Variants in CD36 observed in about 807,000 individuals in gnomAD.
CD36 encodes CD36 molecule (CD36 blood group).
Under a neutral mutation model 55.2 loss-of-function variants are expected in CD36, and 119 were observed. The observed-to-expected ratio is 2.15, with a 90% CI of 1.86 to 2.51. CD36 has a LOEUF of 2.51. Ranked by LOEUF, CD36 falls within the 30% of genes most tolerant of loss-of-function variation. The pLI is 0.00. For missense variants in CD36, 819 were observed against 555.5 expected (o/e 1.47, Z -4.77); for synonymous variants, 186 against 193.6 (o/e 0.96, Z 0.33).
intron 8 of CD36, among the ~76,000 whole-genome samples, chr7:80,668,625 C>A (rs1308353578): frequency 1.2e-4 from 18 of 152,132 alleles, no homozygotes; most frequent in Non-Finnish European, 2.9e-5. Context: ...AGGACATAAT[C>A]TTCAATGATA....
chr7:80,610,910 C>T (rs942236357), intron 1 of CD36, among the ~76,000 whole-genome samples: 2 of 151,938 alleles, frequency 1.3e-5, no homozygotes, highest in East Asian at 1.9e-4. Context: ...TCTGCTCTCT[C>T]TGTCAGTCAG....
intron 1 of CD36, among the ~76,000 whole-genome samples, chr7:80,609,261 A>G (rs1280353256): frequency 6.6e-6 from 1 of 152,180 alleles, no homozygotes; most frequent in African/African-American, 2.4e-5. Flanking sequence ...CCGAATCCTT[A>G]CTGAAACATG....
At chr7:80,662,044 C>A (rs560872793) in intron 5 of CD36, among the ~76,000 whole-genome samples, 84 of 152,208 alleles carry the variant, frequency 5.5e-4, no homozygotes, top group African/African-American at 1.9e-3. Context: ...TCTTAAGGGG[C>A]AAATATGAAC....
chr7:80,664,271 T>A (rs907623551), intron 6 of CD36, 135 bp from the exon 7 acceptor site: 1 of 629,622 alleles, frequency 1.6e-6, no homozygotes, highest in Non-Finnish European at 2.9e-6. Flanking sequence ...GCCAATAATT[T>A]AAAAAAATGT....
At chr7:80,676,290 A>AGAT (rs1330360867) in intron 14 of CD36, 94 bp from the exon 15 acceptor site, 1 of 152,130 alleles carries the variant, frequency 6.6e-6, no homozygotes, top group African/African-American at 2.4e-5. Flanking sequence ...AGGATTATTG[A>AGAT]GATGTTATGA....
At chr7:80,653,956 A>G (rs1240986814) in intron 3 of CD36, among the ~76,000 whole-genome samples, 1 of 152,196 alleles carries the variant, frequency 6.6e-6, no homozygotes, top group African/African-American at 2.4e-5. Context: ...AATTTGTCAC[A>G]TAACATTGAG....
intron 1 of CD36, among the ~76,000 whole-genome samples, chr7:80,642,379 T>C (rs1794878655): frequency 6.6e-6 from 1 of 152,178 alleles, no homozygotes; most frequent in Non-Finnish European, 1.5e-5. Flanking sequence ...CAAATTTTTT[T>C]ATGCTTTAGA....
intron 1 of CD36, among the ~76,000 whole-genome samples, chr7:80,631,293 T>C (rs188482025): frequency 1.8e-4 from 28 of 152,136 alleles, no homozygotes; most frequent in African/African-American, 6.7e-4. Flanking sequence ...ATAGACACTT[T>C]CATAAAGGCA....
chr7:80,655,279 A>G (rs2116556010), intron 3 of CD36, among the ~76,000 whole-genome samples: 1 of 152,218 alleles, frequency 6.6e-6, no homozygotes, highest in Admixed American at 6.5e-5. Flanking sequence ...CTTTGTTTGC[A>G]CTATCTACTA....
chr7:80,646,828 G>GGA lies in CD36; in HGVS notation c.91_92dup (p.Asp31GlufsTer47). 1 of 1,613,954 alleles carries GGA rather than the reference G, an allele frequency of 6.2e-7. No individual in the cohort carries two copies. Among genetic ancestry groups the GGA allele is most frequent in the Non-Finnish European group, 8.5e-7 (1 of 1,179,904 alleles). Reference sequence around the variant, plus strand: ...GTTTGGAGGTATTCTAATGCCAGTTGGAGACCTGCTTATCCAGAAGACAAT... The same window carrying GGA: ...GTTTGGAGGTATTCTAATGCCAGTTGGAGAGACCTGCTTATCCAGAAGACAAT... On this transcript the variant is annotated frameshift_variant, in exon 3 of 15. Coordinates refer to ENST00000447544, the MANE Select transcript of CD36 (RefSeq NM_001001548.3). LOFTEE classifies it high-confidence loss of function.
chr7:80,634,560 C>T (rs1562782648), upstream of CD36, among the ~76,000 whole-genome samples: 1 of 152,030 alleles, frequency 6.6e-6, no homozygotes, highest in Non-Finnish European at 1.5e-5. Flanking sequence ...ATGATTATTA[C>T]GTCTTGCCTA....
At chr7:80,634,277 T>C (rs1300595263), upstream of CD36, among the ~76,000 whole-genome samples, 1 of 152,076 alleles carries the variant, frequency 6.6e-6, no homozygotes, top group African/African-American at 2.4e-5. Context: ...TATTGTATGA[T>C]CATCTTCATT....
intron 3 of CD36, among the ~76,000 whole-genome samples, chr7:80,648,993 A>C (rs1795391598): frequency 6.6e-6 from 1 of 152,150 alleles, no homozygotes; most frequent in Non-Finnish European, 1.5e-5. Flanking sequence ...AAGCAAGCTT[A>C]GAACATCAGG....
intron 12 of CD36, 34 bp downstream of exon 12, chr7:80,672,877 TC>T: frequency 7.4e-7 from 1 of 1,348,986 alleles, no homozygotes; most frequent in East Asian, 2.3e-5. Context: ...TTTGATATGA[TC>T]TGTAGTATCG....
rs1304741055 is a variant in CD36, at chr7:80,677,818, A to G, written c.*1435A>G. The G allele has an allele frequency of 2.0e-5, 3 of 152,208 alleles. No homozygotes were observed. The highest frequency in any genetic ancestry group is 4.4e-5 in the Non-Finnish European group (3 of 68,042). 9.4% of individuals were successfully genotyped at this position (152,208 alleles called of 1,614,324 possible). On this transcript the variant is annotated 3_prime_UTR_variant, in exon 15 of 15. Coordinates refer to ENST00000447544, the MANE Select transcript of CD36 (RefSeq NM_001001548.3). ...GAATATACATATTGACCTGTATATT[A>G]TGACTAATCATGACTCAGATCTTAA...
rs1796491280 is a variant in CD36 at position 80,661,144 on chromosome 7, C to T, written c.363C>T (p.Ile121=). Reference sequence around the variant, plus strand: ...CTTTCCTGCAGCCCAATGGTGCCATCTTCGAACCTTCACTATCAGTTGGAA... The same window carrying T: ...CTTTCCTGCAGCCCAATGGTGCCATTTTCGAACCTTCACTATCAGTTGGAA... ...TVSFLQPNGA[I]FEPSLSVGTE... is the part of the protein sequence containing the mutation. The change falls in exon 5 of 15, where the codon ATC becomes ATT. Residue 121 remains isoleucine (I), a synonymous_variant. Coordinates refer to ENST00000447544, the MANE Select transcript of CD36 (RefSeq NM_001001548.3). 6.2e-7 allele frequency: 1 copy of T among 1,613,826 alleles called. No homozygotes were observed. The highest frequency in any genetic ancestry group is 8.5e-7 in the Non-Finnish European group (1 of 1,179,844).
intron 2 of CD36, 127 bp downstream of exon 2, chr7:80,646,308 C>A: frequency 4.4e-6 from 1 of 226,348 alleles, no homozygotes; most frequent in South Asian, 6.4e-5. Flanking sequence ...GGTGGAGAAA[C>A]CAGATAGTGA....
intron 4 of CD36, among the ~76,000 whole-genome samples, chr7:80,658,831 G>A (rs1007131699): frequency 6.6e-6 from 1 of 152,102 alleles, no homozygotes; most frequent in Non-Finnish European, 1.5e-5. Flanking sequence ...TTTGGGATAT[G>A]AGAAAACATA....
chr7:80,622,809 A>T (rs947262347), intron 1 of CD36, among the ~76,000 whole-genome samples: 3 of 152,206 alleles, frequency 2.0e-5, no homozygotes, highest in Non-Finnish European at 4.4e-5. Flanking sequence ...TCCTCTGTGT[A>T]TAAGCTGCAT....
Sources: allele counts gnomAD v4.1 joint callset (sites outside exome capture counted in the v4.1 genomes callset), GRCh38; gene constraint gnomAD v4.1.1; transcripts MANE v1.5; gene names NCBI Gene and HGNC (gene_info 2026-07-23, HGNC 2026-07-21).